Variants in TRPC3 observed in about 807,000 individuals in gnomAD.
TRPC3 encodes the protein transient receptor potential cation channel subfamily C member 3, also known as short transient receptor potential channel 3.
TRPC3 carries 54 observed loss-of-function variants against 90.9 expected under a neutral mutation model. The observed-to-expected ratio is 0.59, with a 90% CI of 0.48 to 0.75. TRPC3 has a LOEUF of 0.75. Ranked by LOEUF, TRPC3 falls within the 30% of genes least tolerant of loss-of-function variation. The pLI is 0.00. For synonymous variants in TRPC3, 424 were observed against 450.9 expected (o/e 0.94, Z 0.75); for missense variants, 918 against 1,194.5 (o/e 0.77, Z 3.41).
At chr4:121,903,163 A>C in intron 8 of TRPC3, 102 bp from the exon 9 acceptor site, 1 of 987,472 alleles carries the variant, frequency 1.0e-6, no homozygotes, top group Non-Finnish European at 1.5e-6. Flanking sequence ...ACGTTTTTGA[A>C]ATAGGTAACT....
chr4:121,891,035 T>C (rs751498502), intron 10 of TRPC3, among the ~76,000 whole-genome samples: 12 of 151,852 alleles, frequency 7.9e-5, no homozygotes, highest in East Asian at 3.9e-4. Context: ...CCAGGAAAAA[T>C]TGATACAGAT....
rs72919912 is a variant in TRPC3, at chr4:121,876,501, T to C, written c.*3235A>G. On this transcript the variant is annotated 3_prime_UTR_variant, in exon 12 of 12. Transcript: ENST00000379645. ...ACAGTCATTAGTGTGGCTTCAGTTC[T>C]CTTTAGACATTGTCCATCAGACAAT... 3.4e-3 allele frequency among the ~76,000 whole-genome samples: 511 copies of C among 152,304 alleles called. 2 individuals are homozygous for C. Among genetic ancestry groups the C allele is most frequent in the African/African-American group, 0.012 (495 of 41,560 alleles).
intron 7 of TRPC3, 48 bp downstream of exon 7, chr4:121,907,255 G>A: frequency 6.6e-7 from 1 of 1,511,178 alleles, no homozygotes; most frequent in South Asian, 1.3e-5. Flanking sequence ...CTCTAGATTG[G>A]TTAGAATTTC....
At chr4:121,906,479 C>T (rs886653998) in intron 7 of TRPC3, among the ~76,000 whole-genome samples, 7 of 152,078 alleles carry the variant, frequency 4.6e-5, no homozygotes, top group Non-Finnish European at 1.0e-4. Context: ...TCTCTTTCAC[C>T]TCTAAGACCT....
At chr4:121,921,521 CAA>C (rs536564094) in intron 3 of TRPC3, among the ~76,000 whole-genome samples, 2,636 of 56,604 alleles carry the variant, frequency 0.047, 35 homozygotes, top group African/African-American at 0.15. Flanking sequence ...GACTCCGTCT[CAA>C]AAAAAAAAAA....
intron 7 of TRPC3, among the ~76,000 whole-genome samples, chr4:121,905,439 C>T (rs542656018): frequency 2.8e-4 from 43 of 152,210 alleles, no homozygotes; most frequent in African/African-American, 9.9e-4. Flanking sequence ...ATATAATGTA[C>T]TTCCCGATTC....
intron 10 of TRPC3, among the ~76,000 whole-genome samples, chr4:121,893,876 A>T (rs187060809): frequency 6.6e-6 from 1 of 152,316 alleles, no homozygotes; most frequent in Admixed American, 6.5e-5. Flanking sequence ...AAACTCATTC[A>T]TGATAAAGAA....
Position 121,933,060 on chromosome 4 carries a change from TA to T in TRPC3, c.216-19del, listed in dbSNP as rs1730009378. 1 of 1,536,982 alleles carries T rather than the reference TA, an allele frequency of 6.5e-7. No individual in the cohort carries two copies. The highest frequency in any genetic ancestry group is 2.3e-5 in the East Asian group (1 of 44,084). ...CCATGGACCTAATCAGTAGCAACGA[TA>T]AAACAACTGTAGAATATTAGGGCAC... is the stretch of plus-strand genomic sequence containing the variant. On this transcript the variant is annotated intron_variant, in intron 1 of 11. Coordinates refer to ENST00000379645, the MANE Select transcript of TRPC3 (RefSeq NM_001130698.2).
chr4:121,878,483 G>A lies in TRPC3; in HGVS notation c.*1253C>T, dbSNP rs74690340. ...CAGGATGTTAAACATAACTCTATGA[G>A]AGATTTAAACCTAGCTGGTTAAAAA... On this transcript the variant is annotated 3_prime_UTR_variant, in exon 12 of 12. Coordinates refer to ENST00000379645, the MANE Select transcript of TRPC3 (RefSeq NM_001130698.2). Among the ~76,000 whole-genome samples, 2,221 of 152,260 alleles carry A rather than the reference G, an allele frequency of 0.015. 71 individuals are homozygous for A. The highest frequency in any genetic ancestry group is 0.051 in the African/African-American group (2,122 of 41,522).
Position 121,910,371 on chromosome 4 carries a change from T to C in TRPC3, c.1575A>G (p.Glu525=). Residue 525 remains glutamate (E), a synonymous_variant, in exon 6 of 12, where the codon GAA becomes GAG. Coordinates refer to ENST00000379645, the MANE Select transcript of TRPC3 (RefSeq NM_001130698.2). ...MVWVLGMMWS[E]CKELWLEGPR... is the part of the protein sequence containing the mutation. ...GTCCTTCCAGCCAGAGCTCTTTACA[T>C]TCAGACCACATCATTCCTGTCACAA... 1.2e-6 allele frequency: 2 copies of C among 1,613,520 alleles called. No homozygotes were observed. The highest frequency in any genetic ancestry group is 1.7e-6 in the Non-Finnish European group (2 of 1,179,596).
At position 121,879,839 on chromosome 4, in the gene TRPC3, C is replaced by T; in HGVS notation, c.2663G>A (p.Arg888His). ...GCTCTTGTCTTCCAAAAGTTCATAA[C>T]GAAGGCTGGAGATATCTTGCTTGAT... ...KEIKQDISSL[R>H]YELLEDKSQA... Residue 888 changes from arginine to histidine, a missense_variant, in exon 12 of 12, where the codon CGT becomes CAT. By Grantham distance (29) the Arg-to-His change is conservative. Around this residue, in one of 4 missense-constraint regions of TRPC3, gnomAD observed 41 missense variants for 69.4 expected, o/e 0.59. Transcript: ENST00000379645. 2 of 1,605,700 alleles carry T rather than the reference C, an allele frequency of 1.2e-6. No individual in the cohort carries two copies. Among genetic ancestry groups the T allele is most frequent in the Non-Finnish European group, 1.7e-6 (2 of 1,177,454 alleles).
At chr4:121,881,605 T>A (rs534125338) in intron 11 of TRPC3, among the ~76,000 whole-genome samples, 1 of 152,340 alleles carries the variant, frequency 6.6e-6, no homozygotes, top group South Asian at 2.1e-4. Flanking sequence ...ATTAATCAAG[T>A]AATGGCTTCA....
rs1331735302 is a variant in TRPC3 at position 121,951,528 on chromosome 4, C to G, written c.153G>C (p.Ser51=). The G allele has an allele frequency of 3.6e-6, 5 of 1,396,640 alleles. No homozygotes were observed. The highest frequency in any genetic ancestry group is 2.5e-4 in the Middle Eastern group (1 of 3,930). 86.5% of individuals were successfully genotyped at this position (1,396,640 alleles called of 1,614,324 possible). A position where few individuals can be genotyped will look rare whatever the true frequency, so the allele number is the denominator to read the frequency against. ...RGVNGGLEPR[S]APSQREPHGY... is the part of the protein sequence containing the mutation. ...CGTGCGGCTCCCGCTGCGAGGGCGC[C>G]GAGCGCGGCTCCAGCCCCCCGTTGA... is the stretch of plus-strand genomic sequence containing the variant. Residue 51 remains serine (S), a synonymous_variant, in exon 1 of 12, where the codon TCG becomes TCC. Coordinates refer to ENST00000379645, the MANE Select transcript of TRPC3 (RefSeq NM_001130698.2). The surrounding 1 kb of genome is among the most constrained non-coding windows in gnomAD (Gnocchi z 4.4).
intron 2 of TRPC3, among the ~76,000 whole-genome samples, chr4:121,927,184 C>A (rs1036385323): frequency 6.6e-6 from 1 of 152,196 alleles, no homozygotes; most frequent in Non-Finnish European, 1.5e-5. Context: ...CTGGAACTAA[C>A]ACATTGCTAA....
At position 121,932,727 on chromosome 4, in the gene TRPC3, G is replaced by C. The variant is rs200580955; in HGVS notation, c.531C>G (p.Asp177Glu). The change falls in exon 2 of 12, where the codon GAC becomes GAG. Residue 177 changes from aspartate (D) to glutamate (E), a missense_variant. Coordinates refer to ENST00000379645, the MANE Select transcript of TRPC3 (RefSeq NM_001130698.2). This position sits in a 1 kb window ranked among gnomAD's most constrained non-coding sequence, Gnocchi z 7.7. ...LKKENLARIG[D>E]ALLLAISKGY... Reference sequence around the variant, plus strand: ...CCTTGCTGATGGCGAGCAGCAGGGCGTCGCCAATGCGCGCCAGGTTCTCCT... The same window carrying C: ...CCTTGCTGATGGCGAGCAGCAGGGCCTCGCCAATGCGCGCCAGGTTCTCCT... 6.2e-7 allele frequency: 1 copy of C among 1,613,926 alleles called. No homozygotes were observed. Among genetic ancestry groups the C allele is most frequent in the African/African-American group, 1.3e-5 (1 of 75,078 alleles).
At position 121,932,707 on chromosome 4, in the gene TRPC3, C is replaced by T. The variant is rs1360437413; in HGVS notation, c.551G>A (p.Ser184Asn). The change falls in exon 2 of 12, where the codon AGC becomes AAC. Residue 184 changes from serine (S) to asparagine (N), a missense_variant. By Grantham distance (46) the Ser-to-Asn change is conservative. This residue lies in a region of TRPC3 where 609 missense variants were observed against 725.9 expected (regional missense o/e 0.84). Coordinates refer to ENST00000379645, the MANE Select transcript of TRPC3 (RefSeq NM_001130698.2). This position sits in a 1 kb window ranked among gnomAD's most constrained non-coding sequence, Gnocchi z 7.7. ...RIGDALLLAI[S>N]KGYVRIVEAI... ...CTCTACGATGCGCACGTAGCCCTTG[C>T]TGATGGCGAGCAGCAGGGCGTCGCC... The T allele has an allele frequency of 1.9e-6, 3 of 1,613,674 alleles. No homozygotes were observed. The highest frequency in any genetic ancestry group is 1.3e-5 in the African/African-American group (1 of 74,952).
At chr4:121,903,128 A>C (rs1728761082) in intron 8 of TRPC3, 67 bp from the exon 9 acceptor site, 1 of 1,419,726 alleles carries the variant, frequency 7.0e-7, no homozygotes, top group African/African-American at 1.5e-5. Flanking sequence ...TGTTGCTAAT[A>C]GGTTTTTTAC....
Position 121,879,205 on chromosome 4 carries a change from G to A in TRPC3, c.*531C>T, listed in dbSNP as rs147612330. 3 of 149,662 alleles carry A rather than the reference G, an allele frequency of 2.0e-5. No individual in the cohort carries two copies. Among genetic ancestry groups the A allele is most frequent in the East Asian group, 2.0e-4 (1 of 5,112 alleles). 9.3% of individuals were successfully genotyped at this position (149,662 alleles called of 1,614,324 possible). ...AAGAATGTCTTACCAAGTCATAGCT[G>A]GTTGTAAAATGTCTTCAGTTTCTAT... On this transcript the variant is annotated 3_prime_UTR_variant, in exon 12 of 12. Coordinates refer to ENST00000379645, the MANE Select transcript of TRPC3 (RefSeq NM_001130698.2).
At chr4:121,928,624 C>T (rs953614213) in intron 2 of TRPC3, among the ~76,000 whole-genome samples, 15 of 152,174 alleles carry the variant, frequency 9.9e-5, no homozygotes, top group Non-Finnish European at 8.8e-5. Context: ...GCATAATGGT[C>T]TTTAATATAC....
Sources: gnomAD v4.1 joint callset for allele counts (sites outside exome capture counted in the v4.1 genomes callset) on GRCh38, gnomAD v4.1.1 for gene constraint, gnomAD v4.1.1 regional missense constraint, Gnocchi (gnomAD v3.1) non-coding constraint, MANE v1.5 for transcripts, NCBI Gene and HGNC (gene_info 2026-07-23, HGNC 2026-07-21) for gene names.